The following ETS1 variants were observed in gnomAD, a reference collection of about 807,000 sequenced individuals.
The protein encoded by ETS1 is ETS proto-oncogene 1, transcription factor, also known as protein C-ets-1.
Under a neutral mutation model 58.6 loss-of-function variants are expected in ETS1, and 15 were observed. The ratio of observed to expected loss-of-function variants is 0.26; its 90% CI spans 0.17 to 0.39. The LOEUF is 0.39. Among genes scored for constraint, ETS1 ranks in the 10% least tolerant of loss-of-function variants. ETS1 has a pLI of 1.00. For missense variants in ETS1, 417 were observed against 610.5 expected, an observed-to-expected ratio of 0.68 and a Z score of 3.34; for synonymous variants, 214 against 218.2, an observed-to-expected ratio of 0.98 and a Z score of 0.17.
intron 3 of ETS1, chr11:128,497,724 C>G (rs888780250): frequency 5.3e-6 from 1 of 189,166 alleles, no homozygotes; most frequent in Non-Finnish European, 9.8e-6. Flanking sequence ...GTTCAGGCAC[C>G]TGACATGCAC....
chr11:128,525,073 G>GTAC (rs1261384283), intron 3 of ETS1, among the ~76,000 whole-genome samples: 2 of 152,154 alleles, frequency 1.3e-5, no homozygotes, highest in East Asian at 3.9e-4. Context: ...GCTTGTGCTT[G>GTAC]TACTGCAGCA....
In ETS1 at chr11:128,485,081, A is replaced by G. The variant is rs1010498840; in HGVS notation, c.614-10T>C. ...TGCTCAATACCATAGCCTGGAAACAAAGGGTTTGCAAGTAAAGAGAGGAGA... is the reference window on the plus strand; with the variant it reads ...TGCTCAATACCATAGCCTGGAAACAGAGGGTTTGCAAGTAAAGAGAGGAGA... On this transcript the variant is annotated splice_polypyrimidine_tract_variant and intron_variant, in intron 6 of 9. Coordinates refer to ENST00000392668, the MANE Select transcript of ETS1 (RefSeq NM_001143820.2). 6.9e-6 allele frequency: 11 copies of G among 1,605,386 alleles called. No homozygotes were observed. In the Admixed American group the frequency reaches 1.5e-4, roughly 22 times the overall value.
chr11:128,507,016 G>T (rs971569964), intron 3 of ETS1, among the ~76,000 whole-genome samples: 18 of 152,192 alleles, frequency 1.2e-4, no homozygotes, highest in Non-Finnish European at 2.2e-4. Flanking sequence ...AGTCCCTGGT[G>T]GGGGAGACAG....
chr11:128,583,502 A>ATAATT (rs1221207871), intron 1 of ETS1, among the ~76,000 whole-genome samples: 1 of 152,244 alleles, frequency 6.6e-6, no homozygotes, highest in African/African-American at 2.4e-5. Flanking sequence ...GTGCCAAGAG[A>ATAATT]TAATTTAAAA....
At chr11:128,491,512 A>C (rs1862798784) in intron 3 of ETS1, among the ~76,000 whole-genome samples, 1 of 152,218 alleles carries the variant, frequency 6.6e-6, no homozygotes, top group Non-Finnish European at 1.5e-5. Flanking sequence ...TGAAGGATGC[A>C]TGAGAATTTA....
chr11:128,489,614 A>C, intron 4 of ETS1, 124 bp from the exon 5 acceptor site: 1 of 741,566 alleles, frequency 1.3e-6, no homozygotes, highest in Non-Finnish European at 2.3e-6. Flanking sequence ...CGAATGAGGA[A>C]GCATCAGCCT....
In ETS1 at chr11:128,467,110, G is replaced by A. The variant is rs7941267; in HGVS notation, c.1124-3483C>T. 2.2e-3 allele frequency among the ~76,000 whole-genome samples: 338 copies of A among 152,306 alleles called. 1 individual carries two copies. Among genetic ancestry groups the A allele is most frequent in the African/African-American group, 7.9e-3 (330 of 41,564 alleles). On this transcript the variant is annotated intron_variant, in intron 8 of 9. Transcript: ENST00000392668. ...TGCCTTTTTGTTGTGGGGAGCAAGAGAACTAGGAAAGACATGGAAATGTTC... is the reference window on the plus strand; with the variant it reads ...TGCCTTTTTGTTGTGGGGAGCAAGAAAACTAGGAAAGACATGGAAATGTTC...
chr11:128,580,111 A>C (rs997842303), intron 1 of ETS1, among the ~76,000 whole-genome samples: 2 of 149,592 alleles, frequency 1.3e-5, no homozygotes, highest in African/African-American at 2.5e-5. Context: ...CTTGAAACAG[A>C]GTTGGTGTGT....
chr11:128,490,337 C>T, intron 4 of ETS1, 120 bp downstream of exon 4: 1 of 993,284 alleles, frequency 1.0e-6, no homozygotes, highest in Non-Finnish European at 1.5e-6. Flanking sequence ...CAGCCATGGC[C>T]CATAGCTGCT....
chr11:128,479,472 T>A (rs1212074700), intron 8 of ETS1, among the ~76,000 whole-genome samples: 7 of 152,254 alleles, frequency 4.6e-5, no homozygotes, highest in Admixed American at 4.6e-4. Flanking sequence ...TCTGGTTAAG[T>A]AGCATGATAT....
intron 2 of ETS1, among the ~76,000 whole-genome samples, chr11:128,566,093 T>C (rs1396635372): frequency 6.6e-6 from 1 of 152,180 alleles, no homozygotes; most frequent in Non-Finnish European, 1.5e-5. Context: ...CCACCGGCTG[T>C]GACAAGAGAA....
intron 3 of ETS1, among the ~76,000 whole-genome samples, chr11:128,508,482 T>C (rs1230888441): frequency 6.6e-6 from 1 of 152,202 alleles, no homozygotes; most frequent in Non-Finnish European, 1.5e-5. Context: ...TTTCAAGACA[T>C]GGTGCTGCCT....
chr11:128,566,646 G>A (rs1442039541), intron 2 of ETS1, among the ~76,000 whole-genome samples: 4 of 152,092 alleles, frequency 2.6e-5, no homozygotes, highest in East Asian at 1.9e-4. Context: ...AGCTGGGCAC[G>A]GTGGTGGGCG....
intron 1 of ETS1, among the ~76,000 whole-genome samples, chr11:128,581,703 C>G (rs974162041): frequency 1.3e-5 from 2 of 152,136 alleles, no homozygotes; most frequent in African/African-American, 4.8e-5. Context: ...CAACTCTAAT[C>G]CAATGAATGC....
chr11:128,572,733 AG>A (rs1864662060), intron 2 of ETS1, among the ~76,000 whole-genome samples: 1 of 152,216 alleles, frequency 6.6e-6, no homozygotes, highest in African/African-American at 2.4e-5. Context: ...TATAGGAATA[AG>A]GTACCTCAAT....
At chr11:128,555,872 T>C (rs1407352917) in intron 3 of ETS1, among the ~76,000 whole-genome samples, 13 of 152,156 alleles carry the variant, frequency 8.5e-5, no homozygotes, top group Non-Finnish European at 4.4e-5. Context: ...CAGGTGGGCA[T>C]GGACAGAGAG....
intron 3 of ETS1, among the ~76,000 whole-genome samples, chr11:128,496,546 G>A (rs759368437): frequency 3.3e-4 from 51 of 152,292 alleles, no homozygotes; most frequent in Middle Eastern, 3.4e-3. Flanking sequence ...CACAAATAGA[G>A]AAATGGCTGC....
At chr11:128,487,298 C>A (rs1862659158) in intron 5 of ETS1, among the ~76,000 whole-genome samples, 1 of 152,206 alleles carries the variant, frequency 6.6e-6, no homozygotes, top group South Asian at 2.1e-4. Flanking sequence ...CTCAAACATA[C>A]TGACTTATAT....
chr11:128,524,736 A>G (rs1232846485), intron 3 of ETS1, among the ~76,000 whole-genome samples: 1 of 152,240 alleles, frequency 6.6e-6, no homozygotes, highest in Non-Finnish European at 1.5e-5. Flanking sequence ...TACAGAGCTC[A>G]ATAAATATGT....
Sources: allele counts gnomAD v4.1 joint callset (sites outside exome capture counted in the v4.1 genomes callset), GRCh38; gene constraint gnomAD v4.1.1; transcripts MANE v1.5; gene names NCBI Gene and HGNC (gene_info 2026-07-23, HGNC 2026-07-21).